MAF: variants seen among roughly 807,000 people sequenced by gnomAD.
MAF encodes MAF bZIP transcription factor, also known as transcription factor Maf.
A neutral mutation model predicts 22.0 loss-of-function variants in MAF; 10 were observed. That is an observed-to-expected ratio of 0.45 (90% confidence interval 0.28 to 0.77). The LOEUF is 0.77. Ranked by LOEUF, MAF falls within the 30% of genes least tolerant of loss-of-function variation. The pLI, the probability that MAF is intolerant of heterozygous loss-of-function variation, is 0.12. For synonymous variants in MAF, 337 were observed against 255.8 expected (o/e 1.32, Z -3.03); for missense variants, 544 against 548.4 (o/e 0.99, Z 0.08).
chr16:79,420,211 T>C, the MAF span, among the ~76,000 whole-genome samples: 8 of 152,178 alleles, frequency 5.3e-5, no homozygotes, highest in Non-Finnish European at 8.8e-5. Context: ...ATCCCTCAGA[T>C]GTGCTGTTTA....
chr16:79,445,236 G>C, the MAF span, among the ~76,000 whole-genome samples: 1 of 151,190 alleles, frequency 6.6e-6, no homozygotes. Flanking sequence ...GTAGAGATGG[G>C]GTTTCACCAT....
At chr16:79,218,962 C>T in the MAF span, among the ~76,000 whole-genome samples, 2 of 152,168 alleles carry the variant, frequency 1.3e-5, no homozygotes, top group African/African-American at 4.8e-5. Context: ...GTATTTACCC[C>T]ACTAGCCAGG....
chr16:79,301,760 A>G, the MAF span, among the ~76,000 whole-genome samples: 3 of 152,316 alleles, frequency 2.0e-5, no homozygotes, highest in South Asian at 4.1e-4. Context: ...ATATGTAGCC[A>G]TCATTGAGCA....
chr16:79,283,941 A>G, the MAF span, among the ~76,000 whole-genome samples: 168 of 146,418 alleles, frequency 1.1e-3, no homozygotes, highest in Non-Finnish European at 2.3e-3. Context: ...AAGTGAAACC[A>G]TAATCTACCC....
the MAF span, among the ~76,000 whole-genome samples, chr16:79,277,360 A>T: frequency 6.6e-6 from 1 of 152,208 alleles, no homozygotes; most frequent in Non-Finnish European, 1.5e-5. Context: ...CATGTTTGAC[A>T]TTTATGGAGC....
the MAF span, among the ~76,000 whole-genome samples, chr16:79,461,861 T>C: frequency 0.063 from 9,655 of 152,204 alleles, 360 homozygotes; most frequent in South Asian, 0.15. Context: ...GGGTGACCTA[T>C]GGTTTATTTT....
chr16:79,530,875 C>A, the MAF span, among the ~76,000 whole-genome samples: 1 of 152,144 alleles, frequency 6.6e-6, no homozygotes, highest in African/African-American at 2.4e-5. Context: ...TACTTGTGAG[C>A]CACTTCTCTG....
At chr16:79,551,849 G>C in the MAF span, among the ~76,000 whole-genome samples, 3 of 152,112 alleles carry the variant, frequency 2.0e-5, no homozygotes, top group African/African-American at 7.2e-5. Context: ...CTGCAACAGA[G>C]ACAGTATAGC....
At chr16:79,279,649 C>A in the MAF span, among the ~76,000 whole-genome samples, 1 of 152,130 alleles carries the variant, frequency 6.6e-6, no homozygotes, top group Non-Finnish European at 1.5e-5. Flanking sequence ...AAAGTGTGAA[C>A]CCCCAGAGGG....
chr16:79,456,711 A>C, the MAF span, among the ~76,000 whole-genome samples: 8 of 152,190 alleles, frequency 5.3e-5, no homozygotes, highest in Admixed American at 3.3e-4. Context: ...GTGCCTACCC[A>C]GTTCTTCACA....
At chr16:79,469,841 C>A in the MAF span, among the ~76,000 whole-genome samples, 4 of 152,148 alleles carry the variant, frequency 2.6e-5, no homozygotes, top group Non-Finnish European at 5.9e-5. Flanking sequence ...GTGATCCACC[C>A]ACCTCGGCCT....
chr16:79,260,637 A>C, the MAF span, among the ~76,000 whole-genome samples: 2 of 152,226 alleles, frequency 1.3e-5, no homozygotes, highest in African/African-American at 2.4e-5. Flanking sequence ...TCTTGAGTGA[A>C]TAAGTGCTGC....
At chr16:79,249,082 A>C in the MAF span, among the ~76,000 whole-genome samples, 3 of 152,128 alleles carry the variant, frequency 2.0e-5, no homozygotes, top group Admixed American at 6.5e-5. Context: ...GGAAGTGGTA[A>C]GGTTATGAGG....
At chr16:79,590,190 C>T (rs577330280), downstream of MAF, among the ~76,000 whole-genome samples, 151 of 152,062 alleles carry the variant, frequency 9.9e-4, no homozygotes, top group African/African-American at 3.3e-3. Context: ...GTGTTCCTGT[C>T]CCGGGCCAGG....
the MAF span, among the ~76,000 whole-genome samples, chr16:79,530,323 T>C: frequency 3.2e-3 from 482 of 152,254 alleles, no homozygotes; most frequent in Non-Finnish European, 6.1e-3. Flanking sequence ...CCTACATCCA[T>C]AGTCATGCAT....
chr16:79,366,462 A>G, the MAF span, among the ~76,000 whole-genome samples: 377 of 152,328 alleles, frequency 2.5e-3, 1 homozygote, highest in Middle Eastern at 0.014. Flanking sequence ...TAATAAGTTA[A>G]TAATTAGAAT....
chr16:79,311,746 T>C, the MAF span, among the ~76,000 whole-genome samples: 1 of 152,186 alleles, frequency 6.6e-6, no homozygotes, highest in Non-Finnish European at 1.5e-5. Context: ...TAGCCCACTT[T>C]TCCTGTCTCA....
chr16:79,251,857 T>G, the MAF span, among the ~76,000 whole-genome samples: 3 of 152,188 alleles, frequency 2.0e-5, no homozygotes, highest in African/African-American at 7.2e-5. Context: ...TTAAAAAAAA[T>G]TTTTTTGTAA....
the MAF span, among the ~76,000 whole-genome samples, chr16:79,284,692 G>T: frequency 1.3e-5 from 2 of 152,210 alleles, no homozygotes; most frequent in South Asian, 2.1e-4. Flanking sequence ...TGCAGGGCTG[G>T]TGTCACAGGA....
Sources: allele counts gnomAD v4.1 joint callset (sites outside exome capture counted in the v4.1 genomes callset), GRCh38; gene constraint gnomAD v4.1.1; transcripts MANE v1.5; gene names NCBI Gene and HGNC (gene_info 2026-07-23, HGNC 2026-07-21).